LPP: variants seen among roughly 807,000 people sequenced by gnomAD.
LPP encodes LIM domain containing preferred translocation partner in lipoma, also known as lipoma-preferred partner.
Under a neutral mutation model 60.4 loss-of-function variants are expected in LPP, and 38 were observed. The ratio of observed to expected loss-of-function variants is 0.63; its 90% CI spans 0.49 to 0.83. The LOEUF is 0.83. Ranked by LOEUF, LPP falls within the 40% of genes least tolerant of loss-of-function variation. The pLI is 0.00. For missense variants in LPP, 902 were observed against 783.6 expected (o/e 1.15, Z -1.80); for synonymous variants, 328 against 290.8 (o/e 1.13, Z -1.30).
At chr3:188,651,612 C>T (rs1852101060) in intron 7 of LPP, among the ~76,000 whole-genome samples, 1 of 152,124 alleles carries the variant, frequency 6.6e-6, no homozygotes, top group Non-Finnish European at 1.5e-5. Context: ...CTGGGGAGGT[C>T]TCACAGTCAT....
intron 2 of LPP, among the ~76,000 whole-genome samples, chr3:188,301,055 CT>C (rs1382735130): frequency 1.3e-5 from 2 of 152,134 alleles, no homozygotes; most frequent in African/African-American, 4.8e-5. Context: ...TCCATCCTTC[CT>C]TTTTTCCATG....
intron 3 of LPP, among the ~76,000 whole-genome samples, chr3:188,373,675 G>A (rs1461980978): frequency 1.3e-5 from 2 of 152,008 alleles, no homozygotes; most frequent in Non-Finnish European, 2.9e-5. Flanking sequence ...CACTCTGATG[G>A]TAGTTTCTTT....
chr3:188,407,864 C>T (rs1254438447), intron 4 of LPP, among the ~76,000 whole-genome samples: 1 of 142,202 alleles, frequency 7.0e-6, no homozygotes, highest in Non-Finnish European at 1.5e-5. Flanking sequence ...TATTTCGGCT[C>T]ACTGCAACCT....
At chr3:188,854,131 C>A (rs1253854701) in intron 9 of LPP, among the ~76,000 whole-genome samples, 1 of 152,186 alleles carries the variant, frequency 6.6e-6, no homozygotes, top group Non-Finnish European at 1.5e-5. Flanking sequence ...TAGTCCACCA[C>A]CCTTTTGCAA....
rs186824896 is a variant in LPP, at chr3:188,320,045, T to A, written c.-66-21618T>A. On this transcript the variant is annotated intron_variant, in intron 2 of 11. Transcript: ENST00000617246. ...ATGCTTTCTCATGATTAAATTGGGG[T>A]TTTAGATTTCTGGGAAGACCACCAC... is the stretch of plus-strand genomic sequence containing the variant. Among the ~76,000 whole-genome samples, 315 of 152,252 alleles carry A rather than the reference T, an allele frequency of 2.1e-3. 2 individuals are homozygous for A. The Middle Eastern group carries it at 0.068, about 33-fold the overall frequency.
Position 188,184,050 on chromosome 3 carries a change from T to C in LPP, c.-190+29798T>C, listed in dbSNP as rs563201165. Reference sequence around the variant, plus strand: ...GTGTTCAGGCAGGGACCACGGTACCTCCTTGTGGGAGACTATCAAATGGAA... The same window carrying C: ...GTGTTCAGGCAGGGACCACGGTACCCCCTTGTGGGAGACTATCAAATGGAA... On this transcript the variant is annotated intron_variant, in intron 1 of 11. Coordinates refer to ENST00000617246, the MANE Select transcript of LPP (RefSeq NM_001375462.1). Among the ~76,000 whole-genome samples the C allele has an allele frequency of 3.0e-4, 45 of 152,274 alleles. 1 individual carries two copies. Among genetic ancestry groups the C allele is most frequent in the Non-Finnish European group, 6.0e-4 (41 of 68,012 alleles).
intron 6 of LPP, among the ~76,000 whole-genome samples, chr3:188,528,271 C>T (rs887758474): frequency 6.6e-6 from 1 of 152,078 alleles, no homozygotes; most frequent in African/African-American, 2.4e-5. Context: ...TCGTGACTGA[C>T]CCACTTCGGC....
At chr3:188,500,423 TA>T (rs1194005761) in intron 5 of LPP, among the ~76,000 whole-genome samples, 3 of 152,162 alleles carry the variant, frequency 2.0e-5, no homozygotes, top group African/African-American at 7.2e-5. Flanking sequence ...GTTACAATAA[TA>T]AATTTCACTT....
intron 8 of LPP, among the ~76,000 whole-genome samples, chr3:188,750,907 T>C (rs1211615002): frequency 6.6e-6 from 1 of 152,186 alleles, no homozygotes; most frequent in African/African-American, 2.4e-5. Context: ...CTGATCTAAC[T>C]TTACATGGTC....
chr3:188,296,738 TCCTGCACTC>T (rs1242323248), intron 2 of LPP, among the ~76,000 whole-genome samples: 2 of 152,162 alleles, frequency 1.3e-5, no homozygotes, highest in Non-Finnish European at 2.9e-5. Context: ...CTCAGATAGC[TCCTGCACTC>T]AATAACTCCC....
At chr3:188,622,920 C>T (rs558965685) in intron 7 of LPP, among the ~76,000 whole-genome samples, 1 of 151,404 alleles carries the variant, frequency 6.6e-6, no homozygotes, top group East Asian at 2.0e-4. Flanking sequence ...TCCAGCTACT[C>T]AGGAGGCTGA....
intron 8 of LPP, among the ~76,000 whole-genome samples, chr3:188,739,568 G>A (rs749412386): frequency 6.6e-5 from 10 of 152,088 alleles, no homozygotes; most frequent in Non-Finnish European, 1.3e-4. Flanking sequence ...ATGGGTCAGT[G>A]TATAATTCCT....
At chr3:188,732,511 G>A (rs930918524) in intron 8 of LPP, among the ~76,000 whole-genome samples, 39 of 151,938 alleles carry the variant, frequency 2.6e-4, no homozygotes, top group African/African-American at 7.5e-4. Context: ...TAATCCCAGC[G>A]CTTTGGGAGG....
chr3:188,697,948 A>C (rs974290485), intron 7 of LPP, among the ~76,000 whole-genome samples: 3 of 151,584 alleles, frequency 2.0e-5, no homozygotes, highest in African/African-American at 7.3e-5. Context: ...AGATTAATAA[A>C]ATCTTATTTT....
Position 188,878,764 on chromosome 3 carries a change from A to AG in LPP, c.*4285_*4286insG, listed in dbSNP as rs1769555543. ...CTCACCAAAAAGTAAAAAAGTAAAA[A>AG]AAAAAAAAAAAGAAAGAAAGAAAAG... On this transcript the variant is annotated 3_prime_UTR_variant, in exon 12 of 12. Coordinates refer to ENST00000617246, the MANE Select transcript of LPP (RefSeq NM_001375462.1). 1.5e-5 allele frequency: 3 copies of AG among 196,144 alleles called. No individual in the cohort carries two copies. Among genetic ancestry groups the AG allele is most frequent in the East Asian group, 1.5e-4 (2 of 13,102 alleles). The allele number at this position is 196,144 out of a possible 1,614,324, so 12.2% of individuals were successfully genotyped here. A position where few individuals can be genotyped will look rare whatever the true frequency, so the allele number is the denominator to read the frequency against.
At position 188,609,820 on chromosome 3, in the gene LPP, C is replaced by T. The variant is rs777038607; in HGVS notation, c.1089C>T (p.Pro363=). 1 of 1,612,372 alleles carries T rather than the reference C, an allele frequency of 6.2e-7. No individual in the cohort carries two copies. Among genetic ancestry groups the T allele is most frequent in the South Asian group, 1.1e-5 (1 of 90,932 alleles). ...KTYITDPVSA[P]CAPPLQPKGG... ...ATATCACAGATCCTGTTTCAGCCCC[C>T]TGTGCGCCACCATTGCAGCCAAAGG... is the stretch of plus-strand genomic sequence containing the variant. The change falls in exon 7 of 12, where the codon CCC becomes CCT. Residue 363 remains proline, a synonymous_variant. Transcript: ENST00000617246. This position sits in a 1 kb window ranked among gnomAD's most constrained non-coding sequence, Gnocchi z 6.9.
intron 3 of LPP, among the ~76,000 whole-genome samples, chr3:188,374,941 C>T (rs939008731): frequency 1.3e-5 from 2 of 151,962 alleles, no homozygotes; most frequent in African/African-American, 2.4e-5. Context: ...TGTCAAAGGC[C>T]TTTTCTGCAT....
intron 2 of LPP, among the ~76,000 whole-genome samples, chr3:188,292,856 G>T (rs1239953842): frequency 6.6e-6 from 1 of 152,112 alleles, no homozygotes; most frequent in Non-Finnish European, 1.5e-5. Flanking sequence ...ATTTTTGATG[G>T]TTTCTTTTGA....
At chr3:188,666,577 A>T (rs1855846048) in intron 7 of LPP, among the ~76,000 whole-genome samples, 1 of 152,358 alleles carries the variant, frequency 6.6e-6, no homozygotes, top group Non-Finnish European at 1.5e-5. Flanking sequence ...GGGAAATAGA[A>T]TATACCTTAC....
Sources: allele counts gnomAD v4.1 joint callset (sites outside exome capture counted in the v4.1 genomes callset), GRCh38; gene constraint gnomAD v4.1.1; non-coding constraint Gnocchi (gnomAD v3.1); transcripts MANE v1.5; gene names NCBI Gene and HGNC (gene_info 2026-07-23, HGNC 2026-07-21).